SLC38A6: variants seen among roughly 807,000 people sequenced by gnomAD.
The protein encoded by SLC38A6 is solute carrier family 38 member 6.
A neutral mutation model predicts 65.0 loss-of-function variants in SLC38A6; 73 were observed. That is an observed-to-expected ratio of 1.12 (90% CI 0.93 to 1.37). The LOEUF is 1.37. SLC38A6 is among the 40% of genes most tolerant of loss of function. The pLI is 0.00. For synonymous variants in SLC38A6, 183 were observed against 178.8 expected (o/e 1.02, Z -0.19); for missense variants, 561 against 531.1 (o/e 1.06, Z -0.55).
chr14:61,040,114 T>A (rs1594703304), intron 8 of SLC38A6, among the ~76,000 whole-genome samples: 1 of 152,112 alleles, frequency 6.6e-6, no homozygotes, highest in Non-Finnish European at 1.5e-5. Context: ...AGTTCTATCT[T>A]AAGTACAGAT....
chr14:60,999,787 G>A (rs976786345), intron 3 of SLC38A6, among the ~76,000 whole-genome samples: 1 of 152,224 alleles, frequency 6.6e-6, no homozygotes, highest in Non-Finnish European at 1.5e-5. Context: ...AGGCATGCCA[G>A]CAGCTACCAG....
In SLC38A6 at chr14:61,082,530, A is replaced by T. The variant is rs184087679; in HGVS notation, c.1409-1025A>T. Among the ~76,000 whole-genome samples the T allele has an allele frequency of 9.8e-5, 15 of 152,296 alleles. No homozygotes were observed. In the East Asian group the frequency reaches 2.7e-3, roughly 27 times the overall value. ...TTTGCTGGGCTCTCATGCCGAGCTTAGGTGCCCCTTCAGTGTGCTTCTGCA... is the reference window on the plus strand; with the variant it reads ...TTTGCTGGGCTCTCATGCCGAGCTTTGGTGCCCCTTCAGTGTGCTTCTGCA... On this transcript the variant is annotated intron_variant, in intron 16 of 16. Transcript: ENST00000354886.
At chr14:60,988,903 A>T (rs1277428550) in intron 3 of SLC38A6, among the ~76,000 whole-genome samples, 2 of 152,234 alleles carry the variant, frequency 1.3e-5, no homozygotes, top group Non-Finnish European at 2.9e-5. Context: ...AAGCACAACC[A>T]TGCAGACTGA....
intron 5 of SLC38A6, among the ~76,000 whole-genome samples, chr14:61,026,091 C>T (rs148705571): frequency 3.9e-5 from 6 of 152,182 alleles, no homozygotes; most frequent in African/African-American, 1.4e-4. Context: ...AAAAAAGATT[C>T]TTATCTTCAT....
intron 9 of SLC38A6, 73 bp from the exon 10 acceptor site, chr14:61,043,374 TTCA>T: frequency 8.0e-7 from 1 of 1,251,696 alleles, no homozygotes; most frequent in Non-Finnish European, 1.1e-6. Context: ...TAATAATAAA[TTCA>T]TCATTTTTAT....
intron 2 of SLC38A6, among the ~76,000 whole-genome samples, chr14:60,983,234 G>T (rs910975790): frequency 2.0e-5 from 3 of 152,158 alleles, no homozygotes; most frequent in African/African-American, 4.8e-5. Context: ...CCACTAAACT[G>T]AAATCCTTTA....
intron 15 of SLC38A6, among the ~76,000 whole-genome samples, chr14:61,063,515 T>C (rs1281354035): frequency 6.6e-6 from 1 of 152,324 alleles, no homozygotes; most frequent in East Asian, 1.9e-4. Context: ...TCTCCTCCCA[T>C]GAAATTCTAC....
chr14:61,076,547 GT>G (rs1357773338), intron 15 of SLC38A6, among the ~76,000 whole-genome samples: 1 of 152,194 alleles, frequency 6.6e-6, no homozygotes, highest in East Asian at 1.9e-4. Context: ...AGAAACTGAA[GT>G]TTGACTATAA....
chr14:61,027,174 TA>T (rs2040655861), intron 5 of SLC38A6, among the ~76,000 whole-genome samples: 1 of 152,198 alleles, frequency 6.6e-6, no homozygotes. Context: ...GAGAAGTTTC[TA>T]TTAAATGAGT....
At chr14:61,043,601 CTAAT>C in intron 10 of SLC38A6, 98 bp downstream of exon 10, 1 of 716,420 alleles carries the variant, frequency 1.4e-6, no homozygotes, top group Non-Finnish European at 2.2e-6. Flanking sequence ...GTACCTGTGA[CTAAT>C]TAATTTTCAT....
intron 3 of SLC38A6, among the ~76,000 whole-genome samples, chr14:60,994,020 G>C (rs1050223370): frequency 6.6e-6 from 1 of 152,190 alleles, no homozygotes; most frequent in African/African-American, 2.4e-5. Context: ...TTGGAATACA[G>C]TTTGGCAGTT....
chr14:61,010,149 T>G (rs1464304976), intron 3 of SLC38A6, among the ~76,000 whole-genome samples: 3 of 152,230 alleles, frequency 2.0e-5, no homozygotes, highest in African/African-American at 7.2e-5. Context: ...TGAGCATTTT[T>G]TCATGTGTTT....
At chr14:60,987,918 C>G (rs1245078862) in intron 3 of SLC38A6, among the ~76,000 whole-genome samples, 1 of 152,186 alleles carries the variant, frequency 6.6e-6, no homozygotes, top group Non-Finnish European at 1.5e-5. Context: ...TACCATCTAT[C>G]TCAATTTGTG....
chr14:60,984,356 A>G (rs1008110426), intron 2 of SLC38A6, among the ~76,000 whole-genome samples: 2 of 152,194 alleles, frequency 1.3e-5, no homozygotes, highest in Admixed American at 6.5e-5. Flanking sequence ...ATGAGATTGC[A>G]TAAGTAAAAC....
intron 4 of SLC38A6, among the ~76,000 whole-genome samples, chr14:61,018,638 T>G (rs2040166796): frequency 6.6e-6 from 1 of 152,226 alleles, no homozygotes; most frequent in Admixed American, 6.5e-5. Context: ...AAGGCCCACA[T>G]GGAAGCACAG....
chr14:60,991,181 A>C (rs1032383358), intron 3 of SLC38A6, among the ~76,000 whole-genome samples: 7 of 152,284 alleles, frequency 4.6e-5, no homozygotes, highest in Admixed American at 4.6e-4. Context: ...AAAATCCTCC[A>C]GTTGCTTCCC....
At chr14:61,083,650 A>G (rs1484620758) in exon 17 of SLC38A6, 1 of 1,550,412 alleles carries the variant, frequency 6.4e-7, no homozygotes, top group Non-Finnish European at 8.7e-7. Flanking sequence ...AGGCCTCAGG[A>G]GAACCAAACG....
intron 15 of SLC38A6, among the ~76,000 whole-genome samples, chr14:61,061,750 T>A (rs534109354): frequency 6.6e-6 from 1 of 152,236 alleles, no homozygotes; most frequent in African/African-American, 2.4e-5. Flanking sequence ...TCCATTCACC[T>A]GTTGAAAGAT....
chr14:61,077,294 T>C (rs1026072519), intron 15 of SLC38A6, among the ~76,000 whole-genome samples: 4 of 152,216 alleles, frequency 2.6e-5, no homozygotes, highest in South Asian at 4.1e-4. Flanking sequence ...TCTTCACTTC[T>C]AATGCTCATT....
Sources: allele counts gnomAD v4.1 joint callset (sites outside exome capture counted in the v4.1 genomes callset), GRCh38; gene constraint gnomAD v4.1.1; transcripts MANE v1.5; gene names NCBI Gene and HGNC (gene_info 2026-07-23, HGNC 2026-07-21).